The following PRMT3 variants were observed in gnomAD, a reference collection of about 807,000 sequenced individuals.
PRMT3 encodes the protein protein arginine methyltransferase 3.
In PRMT3, 62 loss-of-function variants were observed where a neutral mutation model predicts 71.9. The ratio of observed to expected loss-of-function variants is 0.86; its 90% confidence interval spans 0.70 to 1.07. PRMT3 has a LOEUF of 1.07. PRMT3 is among the 50% of genes least tolerant of loss of function. The pLI is 0.00. For synonymous variants in PRMT3, 213 were observed against 220.4 expected (o/e 0.97, Z 0.30); for missense variants, 663 against 643.0 (o/e 1.03, Z -0.34).
intron 15 of PRMT3, among the ~76,000 whole-genome samples, chr11:20,498,541 C>T (rs1309640484): frequency 6.6e-6 from 1 of 152,132 alleles, no homozygotes; most frequent in Non-Finnish European, 1.5e-5. Context: ...CAGGCCTGGG[C>T]AACATGGCGA....
At chr11:20,490,814 C>CCTG (rs1555023567) in intron 13 of PRMT3, among the ~76,000 whole-genome samples, 5 of 152,074 alleles carry the variant, frequency 3.3e-5, no homozygotes, top group African/African-American at 4.8e-5. Context: ...GTTTTCTGTT[C>CCTG]TTGTTGTTCC....
intron 9 of PRMT3, among the ~76,000 whole-genome samples, chr11:20,410,314 G>A (rs1179962794): frequency 6.6e-6 from 1 of 151,994 alleles, no homozygotes; most frequent in East Asian, 1.9e-4. Context: ...TTGCTAGAAG[G>A]AAATTAATTT....
intron 13 of PRMT3, among the ~76,000 whole-genome samples, chr11:20,493,309 TAAA>T (rs1057009838): frequency 6.6e-6 from 1 of 152,220 alleles, no homozygotes. Context: ...TCATAGTACT[TAAA>T]AACAGATATA....
At position 20,483,554 on chromosome 11, in the gene PRMT3, C is replaced by CA. The variant is rs10583759; in HGVS notation, c.1348-10347dup. Among the ~76,000 whole-genome samples the CA allele has an allele frequency of 1.3e-4, 18 of 135,796 alleles. No homozygotes were observed. The East Asian group carries it at 2.2e-3, about 16-fold the overall frequency. 89.1% of individuals were successfully genotyped at this position (135,796 alleles called of 152,430 possible). ...AGCCTTTTTAAATGGCAGAGATTGCCAAAAAAAAAAAAAAAAAATACTATG... is the reference window on the plus strand; with the variant it reads ...AGCCTTTTTAAATGGCAGAGATTGCCAAAAAAAAAAAAAAAAAAATACTATG... On this transcript the variant is annotated intron_variant, in intron 13 of 15. Transcript: ENST00000331079.
chr11:20,408,302 A>G (rs1284895510), intron 9 of PRMT3, among the ~76,000 whole-genome samples: 1 of 152,002 alleles, frequency 6.6e-6, no homozygotes, highest in Non-Finnish European at 1.5e-5. Flanking sequence ...TGCCAATTCT[A>G]ATAATATAAA....
Position 20,402,934 on chromosome 11 carries a change from G to C in PRMT3, c.721G>C (p.Glu241Gln). 6.2e-7 allele frequency: 1 copy of C among 1,608,970 alleles called. No individual in the cohort carries two copies. Among genetic ancestry groups the C allele is most frequent in the South Asian group, 1.1e-5 (1 of 90,942 alleles). Reference protein sequence around the residue: ...EEMLKDKIRTESYRDFIYQNP... With the variant: ...EEMLKDKIRTQSYRDFIYQNP... ...TCCACCCTAGGACAAAATACGAACA[G>C]AAAGCTACCGAGATTTCATATACCA... The change falls in exon 8 of 16, where the codon GAA becomes CAA. Residue 241 changes from glutamate to glutamine, a missense_variant. Coordinates refer to ENST00000331079, the MANE Select transcript of PRMT3 (RefSeq NM_005788.4).
rs751149920 is a variant in PRMT3, at chr11:20,392,210, G to A, written c.248-1G>A. Reference sequence around the variant, plus strand: ...GGTGAATTATCTTTTTCCCCCTTTAGGACTTGAATTTTATGGATACATTAA... The same window carrying A: ...GGTGAATTATCTTTTTCCCCCTTTAAGACTTGAATTTTATGGATACATTAA... On this transcript the variant is annotated splice_acceptor_variant, in intron 3 of 15. Transcript: ENST00000331079. LOFTEE classifies it high-confidence loss of function. The A allele has an allele frequency of 8.3e-6, 13 of 1,572,228 alleles. No homozygotes were observed. The highest frequency in any genetic ancestry group is 9.5e-6 in the Non-Finnish European group (11 of 1,152,152).
At chr11:20,464,401 G>C in intron 12 of PRMT3, 59 bp from the exon 13 acceptor site, 1 of 1,154,086 alleles carries the variant, frequency 8.7e-7, no homozygotes, top group Non-Finnish European at 1.2e-6. Flanking sequence ...TTTATTTTTT[G>C]TTTTTTTTTT....
intron 9 of PRMT3, among the ~76,000 whole-genome samples, chr11:20,414,128 G>A (rs1367491192): frequency 6.6e-6 from 1 of 152,112 alleles, no homozygotes; most frequent in Non-Finnish European, 1.5e-5. Context: ...TGAGGTAGAA[G>A]GATCCCTTGA....
At chr11:20,394,157 A>T (rs1028649937) in intron 5 of PRMT3, among the ~76,000 whole-genome samples, 2 of 152,188 alleles carry the variant, frequency 1.3e-5, no homozygotes, top group African/African-American at 2.4e-5. Context: ...ACGAAGTCAC[A>T]TTTCTTCCAG....
intron 6 of PRMT3, among the ~76,000 whole-genome samples, chr11:20,396,735 G>A (rs1187095161): frequency 1.3e-5 from 2 of 152,154 alleles, no homozygotes; most frequent in South Asian, 2.1e-4. Context: ...GAATAAATTA[G>A]CATTCTACTG....
chr11:20,419,451 G>T (rs1349052999), intron 9 of PRMT3, among the ~76,000 whole-genome samples: 1 of 152,144 alleles, frequency 6.6e-6, no homozygotes, highest in Admixed American at 6.5e-5. Flanking sequence ...ATTCGTGTTT[G>T]CCTTTTCACC....
chr11:20,416,267 A>T (rs1355000319), intron 9 of PRMT3, among the ~76,000 whole-genome samples: 1 of 152,112 alleles, frequency 6.6e-6, no homozygotes, highest in East Asian at 1.9e-4. Context: ...TGGGGGGAAG[A>T]TATGTTTGTC....
At chr11:20,408,779 A>G (rs564782701) in intron 9 of PRMT3, among the ~76,000 whole-genome samples, 3 of 152,260 alleles carry the variant, frequency 2.0e-5, no homozygotes, top group South Asian at 4.1e-4. Context: ...TTCAACTTAC[A>G]TTGCTGTTCC....
chr11:20,468,339 A>G (rs1850560326), intron 13 of PRMT3, among the ~76,000 whole-genome samples: 1 of 152,106 alleles, frequency 6.6e-6, no homozygotes, highest in South Asian at 2.1e-4. Flanking sequence ...TATGTATGAT[A>G]TATGTATAAC....
intron 9 of PRMT3, among the ~76,000 whole-genome samples, chr11:20,422,790 A>G (rs184982879): frequency 6.6e-5 from 10 of 152,298 alleles, no homozygotes; most frequent in Admixed American, 4.6e-4. Flanking sequence ...CGTGAACCTA[A>G]TTACCCGATA....
intron 13 of PRMT3, among the ~76,000 whole-genome samples, chr11:20,475,716 C>T (rs973371870): frequency 1.4e-5 from 2 of 142,536 alleles, no homozygotes; most frequent in Non-Finnish European, 3.0e-5. Context: ...TGCAGAGGTG[C>T]GATCTCTGCT....
intron 11 of PRMT3, among the ~76,000 whole-genome samples, chr11:20,460,072 A>G (rs1850348935): frequency 6.6e-6 from 1 of 152,168 alleles, no homozygotes; most frequent in South Asian, 2.1e-4. Context: ...TTAGGTTTGG[A>G]AGCAATTGCG....
chr11:20,427,979 C>A (rs1849583550), intron 10 of PRMT3, among the ~76,000 whole-genome samples: 1 of 152,040 alleles, frequency 6.6e-6, no homozygotes, highest in African/African-American at 2.4e-5. Context: ...TTTCAAGGAA[C>A]TTTTGGAATA....
Sources: allele counts gnomAD v4.1 joint callset (sites outside exome capture counted in the v4.1 genomes callset), GRCh38; gene constraint gnomAD v4.1.1; transcripts MANE v1.5; gene names NCBI Gene and HGNC (gene_info 2026-07-23, HGNC 2026-07-21).